Variants in NF1 observed in about 807,000 individuals in gnomAD.
NF1 encodes the protein neurofibromin 1, also known as neurofibromin.
In NF1, 122 loss-of-function variants were observed where a neutral mutation model predicts 325.7. The observed-to-expected ratio is 0.37, with a 90% CI of 0.32 to 0.44. The LOEUF is 0.44. NF1 is among the 20% of genes least tolerant of loss of function. NF1 has a pLI of 1.00. For synonymous variants in NF1, 1,091 were observed against 1,186.0 expected, an observed-to-expected ratio of 0.92 and a Z score of 1.65; for missense variants, 2,140 against 3,415.4, an observed-to-expected ratio of 0.63 and a Z score of 9.31.
intron 36 of NF1, among the ~76,000 whole-genome samples, chr17:31,320,119 C>T (rs1232951381): frequency 6.6e-6 from 1 of 151,946 alleles, no homozygotes; most frequent in Non-Finnish European, 1.5e-5. Flanking sequence ...GTACTGCTAA[C>T]CCAGCAGGAA....
intron 1 of NF1, among the ~76,000 whole-genome samples, chr17:31,130,302 A>T (rs1220277489): frequency 6.6e-6 from 1 of 151,722 alleles, no homozygotes; most frequent in Non-Finnish European, 1.5e-5. Flanking sequence ...GTGCTCCTGG[A>T]CCTCTGGTCA....
In NF1 at chr17:31,318,616, ATGT is replaced by A. The variant is rs773381280; in HGVS notation, c.4836-7193_4836-7191del. On this transcript the variant is annotated intron_variant, in intron 36 of 57. Coordinates refer to ENST00000358273, the MANE Select transcript of NF1 (RefSeq NM_001042492.3). ...TATAATTAAGCAAATTAGCATAGCC[ATGT>A]TGTTGTTGTTTTCCGCACAGACATC... is the stretch of plus-strand genomic sequence containing the variant. 30 of 1,614,008 alleles carry A rather than the reference ATGT, an allele frequency of 1.9e-5. No individual in the cohort carries two copies. The highest frequency in any genetic ancestry group is 1.7e-4 in the Middle Eastern group (1 of 6,060).
At chr17:31,167,503 T>C (rs2065864647) in intron 4 of NF1, among the ~76,000 whole-genome samples, 1 of 152,250 alleles carries the variant, frequency 6.6e-6, no homozygotes, top group Admixed American at 6.5e-5. Flanking sequence ...GAAATTCAAG[T>C]TAATACATAT....
intron 1 of NF1, among the ~76,000 whole-genome samples, chr17:31,100,546 A>T (rs1000969397): frequency 6.6e-6 from 1 of 151,880 alleles, no homozygotes; most frequent in Non-Finnish European, 1.5e-5. Flanking sequence ...TTTTTAATTT[A>T]TTATTATTGT....
At chr17:31,167,151 C>T (rs985056327) in intron 4 of NF1, among the ~76,000 whole-genome samples, 2 of 152,130 alleles carry the variant, frequency 1.3e-5, no homozygotes, top group African/African-American at 4.8e-5. Context: ...CACAAACAAC[C>T]ACAAGAGTCA....
At chr17:31,241,061 A>G (rs890616233) in intron 29 of NF1, among the ~76,000 whole-genome samples, 1 of 152,102 alleles carries the variant, frequency 6.6e-6, no homozygotes, top group South Asian at 2.1e-4. Flanking sequence ...TATTTTTAGT[A>G]GAGACAGGGT....
chr17:31,294,398 A>C (rs1264761388), intron 36 of NF1, among the ~76,000 whole-genome samples: 6 of 152,208 alleles, frequency 3.9e-5, no homozygotes, highest in Non-Finnish European at 7.3e-5. Flanking sequence ...ATAATCTGTC[A>C]AGTAGCCAAG....
At chr17:31,339,190 G>A (rs1597846635) in intron 46 of NF1, among the ~76,000 whole-genome samples, 1 of 152,132 alleles carries the variant, frequency 6.6e-6, no homozygotes, top group Non-Finnish European at 1.5e-5. Context: ...GGGTGGGTGT[G>A]GAGGTTGGGG....
intron 36 of NF1, among the ~76,000 whole-genome samples, chr17:31,286,843 T>C (rs1438996929): frequency 1.3e-5 from 2 of 152,220 alleles, no homozygotes; most frequent in Non-Finnish European, 2.9e-5. Flanking sequence ...TATGTTTTGT[T>C]TTTCTTCTTT....
intron 8 of NF1, among the ~76,000 whole-genome samples, chr17:31,195,178 G>A (rs528810031): frequency 2.5e-4 from 38 of 152,158 alleles, no homozygotes; most frequent in African/African-American, 9.1e-4. Flanking sequence ...CATCAGGAAG[G>A]GAATTCAGTG....
chr17:31,150,681 A>T (rs1247452226), intron 1 of NF1, among the ~76,000 whole-genome samples: 1 of 152,166 alleles, frequency 6.6e-6, no homozygotes, highest in Non-Finnish European at 1.5e-5. Context: ...TACATAAAGC[A>T]GTCACCTAAT....
At chr17:31,365,054 T>G (rs556315823) in intron 57 of NF1, among the ~76,000 whole-genome samples, 1 of 151,908 alleles carries the variant, frequency 6.6e-6, no homozygotes, top group East Asian at 1.9e-4. Flanking sequence ...ATCCTAACAC[T>G]TTTGGGAGGC....
chr17:31,153,694 G>A (rs1011476575), intron 1 of NF1, among the ~76,000 whole-genome samples: 1 of 152,040 alleles, frequency 6.6e-6, no homozygotes, highest in Non-Finnish European at 1.5e-5. Flanking sequence ...CTAGATCACA[G>A]CAACTTTCTG....
At chr17:31,311,050 G>A (rs1018488776) in intron 36 of NF1, among the ~76,000 whole-genome samples, 8 of 150,666 alleles carry the variant, frequency 5.3e-5, no homozygotes, top group African/African-American at 1.7e-4. Context: ...GGGCTCAAGC[G>A]ATCCTCCTCA....
At chr17:31,226,411 A>G (rs2067013919) in intron 17 of NF1, 24 bp from the exon 18 acceptor site, 3 of 1,612,586 alleles carry the variant, frequency 1.9e-6, no homozygotes, top group Admixed American at 1.7e-5. Context: ...TTGCAAATAT[A>G]TGTCTTCCAC....
At chr17:31,105,076 T>C (rs1912732092) in intron 1 of NF1, among the ~76,000 whole-genome samples, 1 of 152,162 alleles carries the variant, frequency 6.6e-6, no homozygotes, top group South Asian at 2.1e-4. Context: ...ATTTTAATTT[T>C]TTTCGTAGAG....
chr17:31,096,325 C>G (rs539248735), intron 1 of NF1, among the ~76,000 whole-genome samples: 1 of 151,904 alleles, frequency 6.6e-6, no homozygotes, highest in Non-Finnish European at 1.5e-5. Context: ...GTTTTTGACT[C>G]TCTCCTGGTT....
intron 36 of NF1, among the ~76,000 whole-genome samples, chr17:31,289,949 G>T (rs899608309): frequency 2.0e-4 from 30 of 151,890 alleles, no homozygotes; most frequent in African/African-American, 6.0e-4. Flanking sequence ...AGTGAAAAAT[G>T]ATGTCACATT....
intron 36 of NF1, among the ~76,000 whole-genome samples, chr17:31,288,011 G>T (rs1450132445): frequency 6.6e-6 from 1 of 151,322 alleles, no homozygotes; most frequent in Non-Finnish European, 1.5e-5. Context: ...CAGCACACCA[G>T]CATGGCACAT....
Sources: allele counts gnomAD v4.1 joint callset (sites outside exome capture counted in the v4.1 genomes callset), GRCh38; gene constraint gnomAD v4.1.1; transcripts MANE v1.5; gene names NCBI Gene and HGNC (gene_info 2026-07-23, HGNC 2026-07-21).